ANKS1B: variants seen among roughly 807,000 people sequenced by gnomAD.
The protein encoded by ANKS1B is ankyrin repeat and sterile alpha motif domain-containing protein 1B.
Under a neutral mutation model 148.3 loss-of-function variants are expected in ANKS1B, and 36 were observed. That is an observed-to-expected ratio of 0.24 (90% CI 0.19 to 0.32). The LOEUF (loss-of-function observed/expected upper bound fraction) is 0.32. Among genes scored for constraint, ANKS1B ranks in the 10% least tolerant of loss-of-function variants. The pLI is 1.00. For missense variants in ANKS1B, 1,157 were observed against 1,542.6 expected (o/e 0.75, Z 4.19); for synonymous variants, 542 against 560.8 (o/e 0.97, Z 0.47).
chr12:99,823,924 C>T (rs996539566), intron 2 of ANKS1B, among the ~76,000 whole-genome samples: 1 of 152,080 alleles, frequency 6.6e-6, no homozygotes, highest in African/African-American at 2.4e-5. Flanking sequence ...TTTCTGGGTT[C>T]TCTAACCTGT....
chr12:99,072,779 A>G (rs541543251), intron 16 of ANKS1B, among the ~76,000 whole-genome samples: 1 of 152,288 alleles, frequency 6.6e-6, no homozygotes, highest in East Asian at 1.9e-4. Context: ...CATAGCATTT[A>G]TCATTACCTG....
intron 11 of ANKS1B, among the ~76,000 whole-genome samples, chr12:99,409,596 G>A (rs1427445303): frequency 6.6e-6 from 1 of 151,924 alleles, no homozygotes; most frequent in Admixed American, 6.6e-5. Flanking sequence ...GCATGCCTGT[G>A]TCAAAATATC....
chr12:99,642,288 C>A (rs1357622108), intron 9 of ANKS1B, among the ~76,000 whole-genome samples: 1 of 152,160 alleles, frequency 6.6e-6, no homozygotes, highest in Non-Finnish European at 1.5e-5. Context: ...TAGATGCAGA[C>A]TACAGGCATA....
At chr12:99,429,686 G>A (rs375978740) in intron 11 of ANKS1B, among the ~76,000 whole-genome samples, 3 of 152,180 alleles carry the variant, frequency 2.0e-5, no homozygotes, top group Non-Finnish European at 4.4e-5. Flanking sequence ...ACATGGGGCC[G>A]GGCGCGGTGG....
At chr12:99,266,808 T>G (rs2076489929) in intron 12 of ANKS1B, among the ~76,000 whole-genome samples, 1 of 152,184 alleles carries the variant, frequency 6.6e-6, no homozygotes, top group African/African-American at 2.4e-5. Context: ...AGTCCTAACT[T>G]TTATCTCCAT....
chr12:99,095,805 G>A (rs1308360837), intron 15 of ANKS1B, among the ~76,000 whole-genome samples: 2 of 152,184 alleles, frequency 1.3e-5, no homozygotes, highest in African/African-American at 2.4e-5. Flanking sequence ...AAGTTGGGGT[G>A]TGTGTGTTTG....
Position 99,357,718 on chromosome 12 carries a change from A to T in ANKS1B, c.1756+41913T>A, listed in dbSNP as rs1053685199. Among the ~76,000 whole-genome samples, 4 of 152,244 alleles carry T rather than the reference A, an allele frequency of 2.6e-5. No homozygotes were observed. In the East Asian group the frequency reaches 7.7e-4, roughly 29 times the overall value. On this transcript the variant is annotated intron_variant, in intron 12 of 26. Transcript: ENST00000683438. ...GTACAAAATTTAATACTTATTTAAT[A>T]AATTAGGTGAAAAAACCCTCATATA... is the stretch of plus-strand genomic sequence containing the variant.
rs554190110 is a variant in ANKS1B at position 98,791,567 on chromosome 12, G to C, written c.3342+7367C>G. Among the ~76,000 whole-genome samples, 3 of 151,846 alleles carry C rather than the reference G, an allele frequency of 2.0e-5. No homozygotes were observed. In the South Asian group the frequency reaches 6.2e-4, roughly 32 times the overall value. ...GGGCAACAGAGAATTTTTTTTTAAAGATGGGATCTGGCTATGTTGCCCCGG... is the reference window on the plus strand; with the variant it reads ...GGGCAACAGAGAATTTTTTTTTAAACATGGGATCTGGCTATGTTGCCCCGG... On this transcript the variant is annotated intron_variant, in intron 22 of 26. Coordinates refer to ENST00000683438, the MANE Select transcript of ANKS1B (RefSeq NM_001352186.2).
chr12:99,814,010 T>C (rs1328868485), intron 2 of ANKS1B, among the ~76,000 whole-genome samples: 2 of 151,740 alleles, frequency 1.3e-5, no homozygotes, highest in Non-Finnish European at 3.0e-5. Context: ...TTTTGATATG[T>C]TTAGATACAT....
chr12:99,479,338 GTAAATTC>G (rs2152929007), intron 10 of ANKS1B, among the ~76,000 whole-genome samples: 1 of 152,100 alleles, frequency 6.6e-6, no homozygotes, highest in South Asian at 2.1e-4. Context: ...CCAAGTTTAA[GTAAATTC>G]TCTGACTCAG....
At chr12:99,054,243 T>C (rs1003211981) in intron 16 of ANKS1B, among the ~76,000 whole-genome samples, 5 of 152,170 alleles carry the variant, frequency 3.3e-5, no homozygotes, top group Non-Finnish European at 7.4e-5. Flanking sequence ...TTCGGTAAAA[T>C]TCACGATGGA....
chr12:99,677,896 G>A (rs1024593709), intron 8 of ANKS1B, among the ~76,000 whole-genome samples: 1 of 152,172 alleles, frequency 6.6e-6, no homozygotes, highest in Non-Finnish European at 1.5e-5. Flanking sequence ...TCTCTTGAAT[G>A]TGGGAGGTGG....
chr12:98,913,093 T>C (rs2099788912), intron 17 of ANKS1B, among the ~76,000 whole-genome samples: 1 of 152,242 alleles, frequency 6.6e-6, no homozygotes, highest in African/African-American at 2.4e-5. Context: ...TCAAAGCATT[T>C]GAATATGAAA....
At chr12:99,730,365 C>T (rs970029148) in intron 8 of ANKS1B, among the ~76,000 whole-genome samples, 3 of 152,154 alleles carry the variant, frequency 2.0e-5, no homozygotes, top group African/African-American at 7.2e-5. Flanking sequence ...CAATTGCACA[C>T]TCTCTCTAAA....
At chr12:99,607,136 C>T (rs1269167532) in intron 9 of ANKS1B, among the ~76,000 whole-genome samples, 1 of 152,070 alleles carries the variant, frequency 6.6e-6, no homozygotes, top group Admixed American at 6.6e-5. Context: ...CTTGGCCCTC[C>T]CCTGTGGTTG....
chr12:99,781,907 A>G, intron 5 of ANKS1B, 115 bp downstream of exon 5: 1 of 835,094 alleles, frequency 1.2e-6, no homozygotes, highest in Non-Finnish European at 1.9e-6. Flanking sequence ...TCTGCATTTT[A>G]GAGTAAAGGC....
At chr12:99,873,119 G>C (rs934039848) in intron 1 of ANKS1B, among the ~76,000 whole-genome samples, 1 of 152,114 alleles carries the variant, frequency 6.6e-6, no homozygotes, top group African/African-American at 2.4e-5. Context: ...ATGCAATAAT[G>C]CATGTCAATC....
intron 17 of ANKS1B, among the ~76,000 whole-genome samples, chr12:98,861,004 G>C (rs1299025160): frequency 6.6e-6 from 1 of 152,136 alleles, no homozygotes; most frequent in African/African-American, 2.4e-5. Context: ...GGAAGAGAGT[G>C]GTTTTAAGTC....
chr12:99,251,156 T>G lies in ANKS1B; in HGVS notation c.1757-4292A>C, dbSNP rs1013565147. Among the ~76,000 whole-genome samples, 6 of 152,186 alleles carry G rather than the reference T, an allele frequency of 3.9e-5. No homozygotes were observed. In the East Asian group the frequency reaches 5.8e-4, roughly 15 times the overall value. On this transcript the variant is annotated intron_variant, in intron 12 of 26. Transcript: ENST00000683438. The stretch of plus-strand genomic sequence containing the variant: ...CTTTGGGGGCTGGGATTTCAACATA[T>G]GAATTTTGGTAGAACACAAATATTT...
Sources: gnomAD v4.1 joint callset for allele counts (sites outside exome capture counted in the v4.1 genomes callset) on GRCh38, gnomAD v4.1.1 for gene constraint, MANE v1.5 for transcripts, NCBI Gene and HGNC (gene_info 2026-07-23, HGNC 2026-07-21) for gene names.